The following FGFR1 variants were observed in gnomAD, a reference collection of about 807,000 sequenced individuals.
The protein encoded by FGFR1 is fibroblast growth factor receptor 1.
A neutral mutation model predicts 93.7 loss-of-function variants in FGFR1; 18 were observed. The ratio of observed to expected loss-of-function variants is 0.19; its 90% confidence interval spans 0.13 to 0.28. The LOEUF is 0.28. Among genes scored for constraint, FGFR1 ranks in the 10% least tolerant of loss-of-function variants. The probability of loss-of-function intolerance (pLI) is 1.00; values close to 1 mark genes in which losing one functional copy is unlikely to be tolerated. For synonymous variants in FGFR1, 448 were observed against 429.3 expected, an observed-to-expected ratio of 1.04 and a Z score of -0.54; for missense variants, 731 against 1,080.4, an observed-to-expected ratio of 0.68 and a Z score of 4.53.
chr8:38,415,274 A>T (rs571380008), intron 13 of FGFR1, among the ~76,000 whole-genome samples: 3 of 152,176 alleles, frequency 2.0e-5, no homozygotes, highest in Admixed American at 2.0e-4. Flanking sequence ...TCTTCATAAC[A>T]ATTCTACAAC....
chr8:38,431,608 C>T (rs781520375), intron 2 of FGFR1, among the ~76,000 whole-genome samples: 5 of 152,128 alleles, frequency 3.3e-5, no homozygotes, highest in South Asian at 2.1e-4. Flanking sequence ...GGGTGTCCCG[C>T]GCATCATGAT....
At position 38,468,516 on chromosome 8, in the gene FGFR1, C is replaced by G. The variant is rs534144457; in HGVS notation, c.-624G>C. ...CCCGTCCGGACGTGGCCGCCCAGCTCCCGGCACACCCGGGTTCCTCCGCGC... is the reference window on the plus strand; with the variant it reads ...CCCGTCCGGACGTGGCCGCCCAGCTGCCGGCACACCCGGGTTCCTCCGCGC... On this transcript the variant is annotated 5_prime_UTR_variant, in exon 1 of 18. Transcript: ENST00000447712. 8 of 228,646 alleles carry G rather than the reference C, an allele frequency of 3.5e-5. No individual in the cohort carries two copies. The highest frequency in any genetic ancestry group is 6.1e-5 in the East Asian group (1 of 16,386). 14.2% of individuals were successfully genotyped at this position (228,646 alleles called of 1,614,324 possible). A position where few individuals can be genotyped will look rare whatever the true frequency, so the allele number is the denominator to read the frequency against.
At chr8:38,447,255 C>T (rs899363772) in intron 2 of FGFR1, among the ~76,000 whole-genome samples, 1 of 151,820 alleles carries the variant, frequency 6.6e-6, no homozygotes, top group Middle Eastern at 3.4e-3. Context: ...GTGGGGAAAC[C>T]CAATTTGATA....
rs1193286576 is a variant in FGFR1, at chr8:38,417,943, C to T, written c.1479G>A (p.Val493=). The change falls in exon 11 of 18, where the codon GTG becomes GTA. Residue 493 remains valine, a synonymous_variant. Transcript: ENST00000447712. ...PLGEGCFGQV[V]LAEAIGLDKD... ...TGTCCAGCCCGATAGCCTCTGCCAA[C>T]ACCACCTGCCCAAAGCAGCCCTCTC... 1 of 1,614,108 alleles carries T rather than the reference C, an allele frequency of 6.2e-7. No individual in the cohort carries two copies. Among genetic ancestry groups the T allele is most frequent in the Non-Finnish European group, 8.5e-7 (1 of 1,180,052 alleles).
intron 13 of FGFR1, among the ~76,000 whole-genome samples, chr8:38,415,397 TAGCCTCCCACCTC>T (rs1816116321): frequency 6.6e-6 from 1 of 151,938 alleles, no homozygotes; most frequent in Non-Finnish European, 1.5e-5. Context: ...GGGCTCAAGC[TAGCCTCCCACCTC>T]AGCCTCCCGA....
At position 38,413,504 on chromosome 8, in the gene FGFR1, T is replaced by C. The variant is rs1272868214; in HGVS notation, c.*124A>G. ...AAGGCAGGCCACACAGGAAGGCCCC[T>C]GGTAGGCAGCCGGCTCCTGCCAGCA... On this transcript the variant is annotated 3_prime_UTR_variant, in exon 18 of 18. Transcript: ENST00000447712. This position sits in a 1 kb window ranked among gnomAD's most constrained non-coding sequence, Gnocchi z 4.2. 6 of 1,130,458 alleles carry C rather than the reference T, an allele frequency of 5.3e-6. No individual in the cohort carries two copies. Among genetic ancestry groups the C allele is most frequent in the South Asian group, 4.7e-5 (3 of 64,262 alleles). The allele number at this position is 1,130,458 out of a possible 1,614,324, so 70.0% of individuals were successfully genotyped here. A position where few individuals can be genotyped will look rare whatever the true frequency, so the allele number is the denominator to read the frequency against.
chr8:38,442,563 CAA>C (rs1212114909), intron 2 of FGFR1, among the ~76,000 whole-genome samples: 2 of 152,010 alleles, frequency 1.3e-5, no homozygotes, highest in African/African-American at 4.8e-5. Context: ...GAATCAACGG[CAA>C]AGAGGTAACC....
At chr8:38,447,566 C>G (rs190359294) in intron 2 of FGFR1, among the ~76,000 whole-genome samples, 1 of 152,144 alleles carries the variant, frequency 6.6e-6, no homozygotes, top group Admixed American at 6.5e-5. Context: ...ACTGCAACCT[C>G]CACCTCCTGG....
intron 1 of FGFR1, among the ~76,000 whole-genome samples, 186 bp from the exon 2 acceptor site, chr8:38,457,720 T>G (rs1248868058): frequency 1.3e-5 from 2 of 152,162 alleles, no homozygotes; most frequent in African/African-American, 4.8e-5. Flanking sequence ...GGTGTGGTGG[T>G]GCACCCTGTA....
intron 2 of FGFR1, among the ~76,000 whole-genome samples, chr8:38,456,767 C>T (rs994716338): frequency 2.6e-4 from 40 of 152,084 alleles, no homozygotes; most frequent in Admixed American, 2.0e-3. Context: ...GATGGGGTCT[C>T]GCTATATTGC....
chr8:38,425,843 C>T (rs17182324), intron 6 of FGFR1: 121 of 486,596 alleles, frequency 2.5e-4, no homozygotes, highest in South Asian at 5.9e-4. Flanking sequence ...CATTTAACAC[C>T]TCTCCAACAA....
chr8:38,414,583 C>A lies in FGFR1; in HGVS notation c.2024G>T (p.Arg675Leu), dbSNP rs771078736. 7.0e-7 allele frequency: 1 copy of A among 1,419,102 alleles called. No individual in the cohort carries two copies. 87.9% of individuals were successfully genotyped at this position (1,419,102 alleles called of 1,614,324 possible). A position where few individuals can be genotyped will look rare whatever the true frequency, so the allele number is the denominator to read the frequency against. ...CACATCACTCTGGTGGGTGTAGATC[C>A]GGTCAAATAATGCCTCGGGTGCCAT... ...KWMAPEALFD[R>L]IYTHQSDVWS... Residue 675 changes from arginine (R) to leucine (L), a missense_variant, in exon 15 of 18, where the codon CGG becomes CTG. Arg to Leu is a moderately radical substitution (Grantham distance 102). Coordinates refer to ENST00000447712, the MANE Select transcript of FGFR1 (RefSeq NM_023110.3).
chr8:38,436,069 G>A (rs554415633), intron 2 of FGFR1, among the ~76,000 whole-genome samples: 10 of 152,282 alleles, frequency 6.6e-5, no homozygotes, highest in South Asian at 2.1e-4. Context: ...GGCTCTAGGT[G>A]CCATGTGTTA....
At position 38,426,513 on chromosome 8, in the gene FGFR1, A is replaced by G. The variant is rs1820818052; in HGVS notation, c.622-268T>C. 2.0e-5 allele frequency among the ~76,000 whole-genome samples: 3 copies of G among 152,228 alleles called. 1 individual carries two copies. Among genetic ancestry groups the G allele is most frequent in the South Asian group, 4.1e-4 (2 of 4,834 alleles). Reference sequence around the variant, plus strand: ...TGATCCGGACAGATGTGCCTTCTGCAAACACTCCCAAATACACCAAGAATG... The same window carrying G: ...TGATCCGGACAGATGTGCCTTCTGCGAACACTCCCAAATACACCAAGAATG... On this transcript the variant is annotated intron_variant, in intron 5 of 17. Coordinates refer to ENST00000447712, the MANE Select transcript of FGFR1 (RefSeq NM_023110.3). This position sits in a 1 kb window ranked among gnomAD's most constrained non-coding sequence, Gnocchi z 4.1.
chr8:38,464,294 G>A lies in FGFR1; in HGVS notation c.-89+3687C>T, dbSNP rs189045540. On this transcript the variant is annotated intron_variant, in intron 1 of 17. Transcript: ENST00000447712. ...AGCGCCACAGCACTCCAGCCTGGGC[G>A]ACAGAGCGAGACTATCTCAAAAAAA... Among the ~76,000 whole-genome samples the A allele has an allele frequency of 1.4e-4, 19 of 138,750 alleles. No homozygotes were observed. The East Asian group carries it at 3.0e-3, about 22-fold the overall frequency. 91.0% of individuals were successfully genotyped at this position (138,750 alleles called of 152,430 possible).
intron 2 of FGFR1, 90 bp from the exon 3 acceptor site, chr8:38,430,038 G>A (rs1472276862): frequency 9.8e-6 from 13 of 1,322,520 alleles, no homozygotes; most frequent in South Asian, 1.4e-5. Flanking sequence ...AGGGAATTAC[G>A]CTGGCCACAC....
chr8:38,467,865 AG>A lies in FGFR1; in HGVS notation c.-89+115del, dbSNP rs1176297128. On this transcript the variant is annotated intron_variant, in intron 1 of 17. Coordinates refer to ENST00000447712, the MANE Select transcript of FGFR1 (RefSeq NM_023110.3). ...AAAGGGGCGGGCGGCGAGCGGAGGG[AG>A]GCGCCGGCCCCGGCTGGGCTGCGGC... 12 of 228,776 alleles carry A rather than the reference AG, an allele frequency of 5.2e-5. No homozygotes were observed. The Admixed American group carries it at 5.7e-4, about 11-fold the overall frequency. 14.2% of individuals were successfully genotyped at this position (228,776 alleles called of 1,614,324 possible).
rs762442014 is a variant in FGFR1, at chr8:38,457,519, C to T, written c.-73G>A. On this transcript the variant is annotated 5_prime_UTR_variant, in exon 2 of 18. Coordinates refer to ENST00000447712, the MANE Select transcript of FGFR1 (RefSeq NM_023110.3). ...GATACTCCACAGTGAGCTCGATCCT[C>T]CTTTTCAAACTGACCCTGAGGAAAG... 1 of 1,601,306 alleles carries T rather than the reference C, an allele frequency of 6.2e-7. No individual in the cohort carries two copies. The highest frequency in any genetic ancestry group is 1.3e-5 in the African/African-American group (1 of 74,720).
At chr8:38,461,352 T>G (rs1268077859) in intron 1 of FGFR1, 1 of 552,550 alleles carries the variant, frequency 1.8e-6, no homozygotes, top group African/African-American at 1.9e-5. Flanking sequence ...TTATTCTTTC[T>G]GAGACAGAGT....
Sources: allele counts gnomAD v4.1 joint callset (sites outside exome capture counted in the v4.1 genomes callset), GRCh38; gene constraint gnomAD v4.1.1; non-coding constraint Gnocchi (gnomAD v3.1); transcripts MANE v1.5; gene names NCBI Gene and HGNC (gene_info 2026-07-23, HGNC 2026-07-21).